RICTOR: variants seen among roughly 807,000 people sequenced by gnomAD.
RICTOR encodes the protein RPTOR independent companion of MTOR complex 2.
A neutral mutation model predicts 214.9 loss-of-function variants in RICTOR; 49 were observed. The ratio of observed to expected loss-of-function variants is 0.23; its 90% CI spans 0.18 to 0.29. The LOEUF is 0.29. Ranked by LOEUF, RICTOR falls within the 10% of genes least tolerant of loss-of-function variation. The pLI is 1.00. For missense variants in RICTOR, 1,625 were observed against 2,047.0 expected, an observed-to-expected ratio of 0.79 and a Z score of 3.98; for synonymous variants, 717 against 711.3, an observed-to-expected ratio of 1.01 and a Z score of -0.13.
intron 2 of RICTOR, among the ~76,000 whole-genome samples, chr5:39,070,394 G>A (rs1450089247): frequency 2.6e-5 from 4 of 152,132 alleles, no homozygotes; most frequent in African/African-American, 7.2e-5. Context: ...GCGTGAACCC[G>A]GGAAGCGGAG....
chr5:38,997,138 T>C (rs1753239087), intron 5 of RICTOR, among the ~76,000 whole-genome samples: 1 of 152,134 alleles, frequency 6.6e-6, no homozygotes, highest in Admixed American at 6.5e-5. Context: ...CAAGACTACA[T>C]CTATTCATAA....
Position 38,940,128 on chromosome 5 carries a change from AG to A in RICTOR, c.*2175del. 4.8e-6 allele frequency: 1 copy of A among 208,818 alleles called. No individual in the cohort carries two copies. The highest frequency in any genetic ancestry group is 9.2e-6 in the Non-Finnish European group (1 of 108,728). The allele number at this position is 208,818 out of a possible 1,614,324, so 12.9% of individuals were successfully genotyped here. A position where few individuals can be genotyped will look rare whatever the true frequency, so the allele number is the denominator to read the frequency against. Reference sequence around the variant, plus strand: ...ATACATACATATTTTTCAAAGTAACAGTAAAAAAAAAAAACAAAAAAAAAAA... The same window carrying A: ...ATACATACATATTTTTCAAAGTAACATAAAAAAAAAAAACAAAAAAAAAAA... On this transcript the variant is annotated 3_prime_UTR_variant, in exon 38 of 38. Transcript: ENST00000357387.
rs533446809 is a variant in RICTOR, at chr5:39,019,990, C to T, written c.195+1049G>A. ...CCAATACTCATGGATGACTTTGAGG[C>T]GTTCAAGGTGTCAGTGGAGGGAGTC... is the stretch of plus-strand genomic sequence containing the variant. On this transcript the variant is annotated intron_variant, in intron 3 of 37. Coordinates refer to ENST00000357387, the MANE Select transcript of RICTOR (RefSeq NM_152756.5). Among the ~76,000 whole-genome samples the T allele has an allele frequency of 1.6e-4, 25 of 152,212 alleles. No individual in the cohort carries two copies. The South Asian group carries it at 4.6e-3, about 28-fold the overall frequency.
chr5:39,073,636 T>C lies in RICTOR; in HGVS notation c.97+475A>G, dbSNP rs569716725. Reference sequence around the variant, plus strand: ...GGACGGTGGGCAAAGGGGAAAGCAGTCACGCAGTCGGCAAGCACCGAGCAG... The same window carrying C: ...GGACGGTGGGCAAAGGGGAAAGCAGCCACGCAGTCGGCAAGCACCGAGCAG... On this transcript the variant is annotated intron_variant, in intron 2 of 37. Coordinates refer to ENST00000357387, the MANE Select transcript of RICTOR (RefSeq NM_152756.5). 7.9e-3 allele frequency among the ~76,000 whole-genome samples: 1,202 copies of C among 152,202 alleles called. 23 individuals carry two copies. Among genetic ancestry groups the C allele is most frequent in the African/African-American group, 0.028 (1,170 of 41,534 alleles).
At chr5:39,037,376 A>G (rs1756800316) in intron 2 of RICTOR, among the ~76,000 whole-genome samples, 1 of 152,102 alleles carries the variant, frequency 6.6e-6, no homozygotes, top group African/African-American at 2.4e-5. Flanking sequence ...GAAAGATCCA[A>G]AATTGACACC....
At chr5:39,016,338 G>A (rs79183652) in intron 3 of RICTOR, among the ~76,000 whole-genome samples, 3,469 of 147,740 alleles carry the variant, frequency 0.023, 138 homozygotes, top group African/African-American at 0.081. Flanking sequence ...GAGAAGGGGG[G>A]AGAGGGAACT....
intron 3 of RICTOR, among the ~76,000 whole-genome samples, chr5:39,014,685 A>G (rs1235951213): frequency 6.6e-6 from 1 of 152,162 alleles, no homozygotes; most frequent in African/African-American, 2.4e-5. Flanking sequence ...TAGAATACTA[A>G]GATTATACTC....
intron 12 of RICTOR, 104 bp downstream of exon 12, chr5:38,967,839 A>G (rs1391935430): frequency 1.7e-6 from 1 of 596,474 alleles, no homozygotes; most frequent in African/African-American, 1.9e-5. Flanking sequence ...GCAGCAAGAA[A>G]AGAAAATAGT....
At chr5:38,979,475 C>CT in intron 8 of RICTOR, among the ~76,000 whole-genome samples, 1 of 152,084 alleles carries the variant, frequency 6.6e-6, no homozygotes, top group East Asian at 1.9e-4. Flanking sequence ...TCATTCCTTC[C>CT]TGCATTTCTT....
chr5:39,015,603 G>A (rs1754884083), intron 3 of RICTOR, among the ~76,000 whole-genome samples: 1 of 151,824 alleles, frequency 6.6e-6, no homozygotes, highest in South Asian at 2.1e-4. Context: ...AATACACACA[G>A]CAGCTTCTCA....
chr5:38,962,427 C>T (rs759630250), intron 18 of RICTOR, 58 bp downstream of exon 18: 80 of 1,163,194 alleles, frequency 6.9e-5, no homozygotes, highest in African/African-American at 1.2e-4. Context: ...AAGATAATTA[C>T]GTTATAATTA....
intron 2 of RICTOR, among the ~76,000 whole-genome samples, chr5:39,060,276 C>T (rs763809613): frequency 2.0e-4 from 31 of 152,096 alleles, no homozygotes; most frequent in Middle Eastern, 3.4e-3. Flanking sequence ...GTATCATCAC[C>T]AAGTTTATTC....
intron 2 of RICTOR, among the ~76,000 whole-genome samples, chr5:39,025,888 A>C (rs909324019): frequency 6.6e-6 from 1 of 152,228 alleles, no homozygotes; most frequent in African/African-American, 2.4e-5. Flanking sequence ...CAATAAAACA[A>C]ACTTGGCTCT....
Position 38,938,112 on chromosome 5 carries a change from T to G in RICTOR, c.*4192A>C, listed in dbSNP as rs1747166965. On this transcript the variant is annotated 3_prime_UTR_variant, in exon 38 of 38. Coordinates refer to ENST00000357387, the MANE Select transcript of RICTOR (RefSeq NM_152756.5). Reference sequence around the variant, plus strand: ...AAATTATACACAACTCAATGAAATATTCTTACAGAAAAAATATAAATACTT... The same window carrying G: ...AAATTATACACAACTCAATGAAATAGTCTTACAGAAAAAATATAAATACTT... 1 of 209,522 alleles carries G rather than the reference T, an allele frequency of 4.8e-6. No homozygotes were observed. The allele number at this position is 209,522 out of a possible 1,614,324, so 13.0% of individuals were successfully genotyped here.
At chr5:38,948,462 C>T (rs1748420598) in intron 31 of RICTOR, among the ~76,000 whole-genome samples, 1 of 152,024 alleles carries the variant, frequency 6.6e-6, no homozygotes, top group African/African-American at 2.4e-5. Context: ...TTGGATTATT[C>T]CCCTTCCCAA....
chr5:38,961,230 G>A (rs971923074), intron 19 of RICTOR, among the ~76,000 whole-genome samples: 2 of 152,106 alleles, frequency 1.3e-5, no homozygotes, highest in Non-Finnish European at 2.9e-5. Context: ...CTAGATGGAT[G>A]AATGCAGATT....
chr5:38,994,451 A>AAAAAAAAAAG (rs1304761708), intron 6 of RICTOR, among the ~76,000 whole-genome samples: 2,982 of 101,488 alleles, frequency 0.029, 737 homozygotes, highest in Non-Finnish European at 0.039. Flanking sequence ...AAAAAAAAAA[A>AAAAAAAAAAG]AGTGCTTCAG....
chr5:39,020,072 T>C (rs537408778), intron 3 of RICTOR, among the ~76,000 whole-genome samples: 1 of 152,184 alleles, frequency 6.6e-6, no homozygotes, highest in Admixed American at 6.5e-5. Context: ...AGCCTGAAGA[T>C]GCAACTGAAT....
Position 38,947,469 on chromosome 5 carries a change from A to G in RICTOR, c.4137-28T>C, listed in dbSNP as rs199875860. On this transcript the variant is annotated intron_variant, in intron 31 of 37. Coordinates refer to ENST00000357387, the MANE Select transcript of RICTOR (RefSeq NM_152756.5). ...ATAAAACCATAAAGAAACCACTTGC[A>G]TTAGTTTCTTGATCTGTAATTTTAA... 4 of 1,518,572 alleles carry G rather than the reference A, an allele frequency of 2.6e-6. No homozygotes were observed. The African/African-American group carries it at 4.2e-5, about 16-fold the overall frequency. The allele number at this position is 1,518,572 out of a possible 1,614,324, so 94.1% of individuals were successfully genotyped here.
Sources: allele counts gnomAD v4.1 joint callset (sites outside exome capture counted in the v4.1 genomes callset), GRCh38; gene constraint gnomAD v4.1.1; transcripts MANE v1.5; gene names NCBI Gene and HGNC (gene_info 2026-07-23, HGNC 2026-07-21).